The following HELQ variants were observed in gnomAD, a reference collection of about 807,000 sequenced individuals.
HELQ encodes the protein helicase POLQ-like.
In HELQ, 77 loss-of-function variants were observed where a neutral mutation model predicts 111.6. That is an observed-to-expected ratio of 0.69 (90% CI 0.57 to 0.83). HELQ has a LOEUF of 0.83. HELQ is among the 40% of genes least tolerant of loss of function. HELQ has a pLI of 0.00. For synonymous variants in HELQ, 438 were observed against 454.7 expected, an observed-to-expected ratio of 0.96 and a Z score of 0.47; for missense variants, 1,200 against 1,288.5, an observed-to-expected ratio of 0.93 and a Z score of 1.05.
intron 5 of HELQ, among the ~76,000 whole-genome samples, chr4:83,445,762 A>C (rs1360014259): frequency 6.6e-6 from 1 of 152,236 alleles, no homozygotes; most frequent in Admixed American, 6.5e-5. Flanking sequence ...TGTTTTACAG[A>C]TAAAGAAACA....
chr4:83,416,992 G>C (rs1408306957), intron 16 of HELQ, 127 bp from the exon 17 acceptor site: 12 of 796,300 alleles, frequency 1.5e-5, no homozygotes, highest in Non-Finnish European at 2.1e-5. Flanking sequence ...AATATGAAGA[G>C]ACAAGACATG....
Position 83,416,832 on chromosome 4 carries a change from T to G in HELQ, c.3097A>C (p.Lys1033Gln). 6.2e-7 allele frequency: 1 copy of G among 1,613,774 alleles called. No homozygotes were observed. The highest frequency in any genetic ancestry group is 8.5e-7 in the Non-Finnish European group (1 of 1,179,754). The change falls in exon 17 of 18, where the codon AAA becomes CAA. Residue 1033 changes from lysine (K) to glutamine (Q), a missense_variant. By Grantham distance (53) the Lys-to-Gln change is moderately conservative. Around this residue, in one of 3 missense-constraint regions of HELQ, gnomAD observed 585 missense variants for 665.3 expected, o/e 0.88. Transcript: ENST00000295488. Reference sequence around the variant, plus strand: ...GCATTAGCTAAGTGCATTAGACTTTTGTAACCTGCACTGTATAACTGTTTT... The same window carrying G: ...GCATTAGCTAAGTGCATTAGACTTTGGTAACCTGCACTGTATAACTGTTTT... The part of the protein sequence containing the change: ...RAKQLYSAGY[K>Q]SLMHLANANP...
chr4:83,455,748 C>G lies in HELQ; in HGVS notation c.-55G>C. ...CGTTCTCAGTGACCCAGACGCTAAG[C>G]CCATATGGAAGGGAGAGTGGGACGC... On this transcript the variant is annotated 5_prime_UTR_variant, in exon 1 of 18. Transcript: ENST00000295488. 6.5e-7 allele frequency: 1 copy of G among 1,527,712 alleles called. No individual in the cohort carries two copies. The highest frequency in any genetic ancestry group is 8.9e-7 in the Non-Finnish European group (1 of 1,125,918). 94.6% of individuals were successfully genotyped at this position (1,527,712 alleles called of 1,614,324 possible). A position where few individuals can be genotyped will look rare whatever the true frequency, so the allele number is the denominator to read the frequency against.
rs767842732 is a variant in HELQ, at chr4:83,436,963, G to A, written c.1943C>T (p.Thr648Ile). The change falls in exon 9 of 18, where the codon ACA becomes ATA. Residue 648 changes from threonine to isoleucine, a missense_variant. Thr to Ile is a moderately conservative substitution (Grantham distance 89). This residue lies in a region of HELQ where 585 missense variants were observed against 665.3 expected (regional missense o/e 0.88). Transcript: ENST00000295488. ...FGVAYHHSGLTSDERKLLEEA... is the reference protein window; with the variant it reads ...FGVAYHHSGLISDERKLLEEA... ...CTCCAAGAGTTTCCTTTCATCACTT[G>A]TTAAGCCACTGTGGTGATAGGCAAC... 1 of 1,614,174 alleles carries A rather than the reference G, an allele frequency of 6.2e-7. No individual in the cohort carries two copies. The highest frequency in any genetic ancestry group is 1.1e-5 in the South Asian group (1 of 91,088).
intron 16 of HELQ, 53 bp downstream of exon 16, chr4:83,418,040 G>A: frequency 2.2e-6 from 2 of 925,284 alleles, no homozygotes; most frequent in Non-Finnish European, 3.4e-6. Flanking sequence ...ATAAAACCTG[G>A]CTTCTGTATT....
chr4:83,410,467 T>A (rs1163687226), intron 17 of HELQ, among the ~76,000 whole-genome samples: 2 of 152,186 alleles, frequency 1.3e-5, no homozygotes, highest in Non-Finnish European at 2.9e-5. Flanking sequence ...TGGAGTGGTA[T>A]AATTTAACAA....
At chr4:83,436,460 A>G (rs1305872303) in intron 9 of HELQ, among the ~76,000 whole-genome samples, 1 of 152,176 alleles carries the variant, frequency 6.6e-6, no homozygotes, top group African/African-American at 2.4e-5. Context: ...GCTTTAAAAT[A>G]CATATATTAG....
At chr4:83,443,127 T>A (rs1156351661) in intron 6 of HELQ, among the ~76,000 whole-genome samples, 1 of 152,010 alleles carries the variant, frequency 6.6e-6, no homozygotes, top group African/African-American at 2.4e-5. Flanking sequence ...TATAAATATT[T>A]AAAAATATTT....
chr4:83,426,389 T>C (rs1480409618), intron 13 of HELQ, among the ~76,000 whole-genome samples: 1 of 151,882 alleles, frequency 6.6e-6, no homozygotes, highest in Admixed American at 6.6e-5. Context: ...AATTGCATTA[T>C]ATAGTGCTAC....
intron 15 of HELQ, among the ~76,000 whole-genome samples, chr4:83,419,578 G>A (rs574468844): frequency 2.4e-4 from 35 of 147,836 alleles, no homozygotes; most frequent in Non-Finnish European, 5.1e-4. Flanking sequence ...AATTATTGCT[G>A]TTTTTCTTGA....
intron 17 of HELQ, among the ~76,000 whole-genome samples, chr4:83,416,271 G>C (rs1438328127): frequency 6.7e-6 from 1 of 149,770 alleles, no homozygotes; most frequent in Non-Finnish European, 1.5e-5. Context: ...GGGGGGACAG[G>C]GTCTCAATCT....
Position 83,453,552 on chromosome 4 carries a change from C to A in HELQ, c.691G>T (p.Val231Leu), listed in dbSNP as rs762211906. The A allele has an allele frequency of 1.7e-5, 27 of 1,613,328 alleles. No individual in the cohort carries two copies. In the South Asian group the frequency reaches 3.0e-4, roughly 18 times the overall value. The change falls in exon 2 of 18, where the codon GTG (valine) becomes TTG (leucine). Residue 231 changes from valine (V) to leucine (L), a missense_variant. Around this residue, in one of 3 missense-constraint regions of HELQ, gnomAD observed 610 missense variants for 607.1 expected, o/e 1.00. Transcript: ENST00000295488. ...RDWKSSSHNT[V>L]NEELPHNCIE... Reference sequence around the variant, plus strand: ...CAATTATGGGGCAGTTCCTCATTCACAGTGTTGTGAGAGGATGACTTCCAA... The same window carrying A: ...CAATTATGGGGCAGTTCCTCATTCAAAGTGTTGTGAGAGGATGACTTCCAA...
intron 6 of HELQ, among the ~76,000 whole-genome samples, chr4:83,442,726 T>C (rs940936318): frequency 6.6e-6 from 1 of 151,982 alleles, no homozygotes; most frequent in Non-Finnish European, 1.5e-5. Context: ...AATTTTTTAA[T>C]TTTTTGTAGA....
At chr4:83,450,409 C>CT in intron 2 of HELQ, among the ~76,000 whole-genome samples, 1 of 150,580 alleles carries the variant, frequency 6.6e-6, no homozygotes, top group South Asian at 2.1e-4. Context: ...TTACAAGTAA[C>CT]TTTAACTTAT....
At chr4:83,408,979 G>A (rs902290276) in intron 17 of HELQ, among the ~76,000 whole-genome samples, 33 of 152,278 alleles carry the variant, frequency 2.2e-4, no homozygotes, top group African/African-American at 7.7e-4. Context: ...GGGAGAGAAT[G>A]GGTGAAAAGG....
At chr4:83,430,437 C>T (rs951763631) in intron 11 of HELQ, among the ~76,000 whole-genome samples, 17 of 152,038 alleles carry the variant, frequency 1.1e-4, no homozygotes, top group African/African-American at 4.1e-4. Context: ...ATTTCTTGTT[C>T]TTTCACTGTT....
At chr4:83,454,901 C>A (rs190776015) in intron 1 of HELQ, among the ~76,000 whole-genome samples, 1 of 152,208 alleles carries the variant, frequency 6.6e-6, no homozygotes, top group Admixed American at 6.5e-5. Context: ...CAAGGAGTTC[C>A]TAGGAATTTG....
At chr4:83,431,927 G>A (rs972305775) in intron 10 of HELQ, among the ~76,000 whole-genome samples, 159 bp from the exon 11 acceptor site, 1 of 151,768 alleles carries the variant, frequency 6.6e-6, no homozygotes, top group Non-Finnish European at 1.5e-5. Context: ...AAAAATGGAA[G>A]AAAAACAAAT....
At chr4:83,439,198 G>T (rs1405799752) in intron 8 of HELQ, among the ~76,000 whole-genome samples, 10 of 151,836 alleles carry the variant, frequency 6.6e-5, no homozygotes, top group Non-Finnish European at 1.3e-4. Flanking sequence ...CTCCCGAGTA[G>T]CTAGGACTAC....
Sources: allele counts gnomAD v4.1 joint callset (sites outside exome capture counted in the v4.1 genomes callset), GRCh38; gene constraint gnomAD v4.1.1; regional missense constraint gnomAD v4.1.1; transcripts MANE v1.5; gene names NCBI Gene and HGNC (gene_info 2026-07-23, HGNC 2026-07-21).